Variants in VPS50 observed in about 807,000 individuals in gnomAD.
VPS50 encodes syndetin.
A neutral mutation model predicts 139.7 loss-of-function variants in VPS50; 70 were observed. The observed-to-expected ratio is 0.50, with a 90% CI of 0.41 to 0.61. The LOEUF (loss-of-function observed/expected upper bound fraction) is 0.61. VPS50 is among the 20% of genes least tolerant of loss of function. The probability of loss-of-function intolerance (pLI) is 0.00; values close to 1 mark genes in which losing one functional copy is unlikely to be tolerated. For missense variants in VPS50, 921 were observed against 1,133.7 expected, an observed-to-expected ratio of 0.81 and a Z score of 2.69; for synonymous variants, 365 against 376.7, an observed-to-expected ratio of 0.97 and a Z score of 0.36.
chr7:93,275,319 A>G (rs575104846), intron 11 of VPS50, among the ~76,000 whole-genome samples: 2 of 152,198 alleles, frequency 1.3e-5, no homozygotes, highest in Non-Finnish European at 2.9e-5. Context: ...ATCAAACAGC[A>G]TCGCATGCTA....
chr7:93,356,342 C>A (rs1450896059), intron 27 of VPS50, among the ~76,000 whole-genome samples: 1 of 152,124 alleles, frequency 6.6e-6, no homozygotes, highest in African/African-American at 2.4e-5. Context: ...AAAGCCAAGA[C>A]ATTAGCTATA....
At chr7:93,287,908 C>A (rs574710918) in intron 12 of VPS50, among the ~76,000 whole-genome samples, 35 of 152,170 alleles carry the variant, frequency 2.3e-4, no homozygotes, top group Non-Finnish European at 4.1e-4. Context: ...TAAAAATAAA[C>A]CAAGTGTATT....
intron 25 of VPS50, among the ~76,000 whole-genome samples, chr7:93,351,804 G>A (rs768539043): frequency 2.6e-5 from 4 of 152,116 alleles, no homozygotes; most frequent in Non-Finnish European, 5.9e-5. Context: ...CTTATAGGGT[G>A]CAAGAAAAAA....
At chr7:93,345,596 G>A (rs1227397088) in intron 23 of VPS50, among the ~76,000 whole-genome samples, 13 of 152,086 alleles carry the variant, frequency 8.5e-5, no homozygotes, top group Non-Finnish European at 1.6e-4. Flanking sequence ...CTGGCAAACC[G>A]AATCCAGCAG....
chr7:93,262,811 C>T (rs1473113454), intron 9 of VPS50, among the ~76,000 whole-genome samples: 1 of 152,148 alleles, frequency 6.6e-6, no homozygotes, highest in Non-Finnish European at 1.5e-5. Context: ...CCACCATTCA[C>T]CTGCCTAACA....
At chr7:93,302,162 G>C (rs1054438640) in intron 16 of VPS50, among the ~76,000 whole-genome samples, 2 of 152,086 alleles carry the variant, frequency 1.3e-5, no homozygotes, top group Non-Finnish European at 2.9e-5. Context: ...CTTACCTTAG[G>C]ATTGTGATCC....
intron 1 of VPS50, among the ~76,000 whole-genome samples, chr7:93,236,417 T>C (rs1000657042): frequency 6.6e-6 from 1 of 152,230 alleles, no homozygotes; most frequent in Non-Finnish European, 1.5e-5. Context: ...TTTGGATGGA[T>C]AAGACATAGT....
chr7:93,275,852 G>T (rs948859205), intron 11 of VPS50: 2 of 253,116 alleles, frequency 7.9e-6, no homozygotes, highest in African/African-American at 4.4e-5. Context: ...GAATGATGCA[G>T]AGGGTAATTA....
intron 26 of VPS50, among the ~76,000 whole-genome samples, chr7:93,354,515 A>G (rs368435009): frequency 5.9e-5 from 9 of 151,808 alleles, no homozygotes; most frequent in East Asian, 5.8e-4. Context: ...GCTGTTCTTG[A>G]TCTCCTGGCC....
At chr7:93,332,548 C>T (rs1183591951) in intron 21 of VPS50, among the ~76,000 whole-genome samples, 2 of 152,134 alleles carry the variant, frequency 1.3e-5, no homozygotes. Context: ...CTTTAGAAAA[C>T]AACGTGGAAG....
intron 21 of VPS50, among the ~76,000 whole-genome samples, chr7:93,330,778 A>AAAC (rs1562890741): frequency 6.6e-6 from 1 of 151,264 alleles, no homozygotes; most frequent in East Asian, 1.9e-4. Context: ...AAAAAAAAAA[A>AAAC]AAAACCCAAA....
At position 93,266,475 on chromosome 7, in the gene VPS50, C is replaced by T. The variant is rs1029993914; in HGVS notation, c.660-4745C>T. Among the ~76,000 whole-genome samples the T allele has an allele frequency of 2.0e-5, 3 of 152,184 alleles. No homozygotes were observed. In the South Asian group the frequency reaches 6.2e-4, roughly 31 times the overall value. Reference sequence around the variant, plus strand: ...GTTCAAAATCTTTATTTCTATGCAACCTTTCTAGGACTCATTCTTGTGAGT... The same window carrying T: ...GTTCAAAATCTTTATTTCTATGCAATCTTTCTAGGACTCATTCTTGTGAGT... On this transcript the variant is annotated intron_variant, in intron 9 of 27. Transcript: ENST00000305866.
At chr7:93,281,074 T>C (rs1156631482) in intron 12 of VPS50, among the ~76,000 whole-genome samples, 1 of 152,160 alleles carries the variant, frequency 6.6e-6, no homozygotes, top group African/African-American at 2.4e-5. Context: ...TGGTGTGGTG[T>C]TGACACAATT....
chr7:93,326,658 C>G (rs1003966632), intron 21 of VPS50, among the ~76,000 whole-genome samples: 3 of 151,808 alleles, frequency 2.0e-5, no homozygotes, highest in Non-Finnish European at 2.9e-5. Flanking sequence ...CAGAAAATAA[C>G]ACAATATTAG....
chr7:93,260,619 T>C (rs1377392976), intron 9 of VPS50, among the ~76,000 whole-genome samples: 1 of 150,750 alleles, frequency 6.6e-6, no homozygotes, highest in East Asian at 2.0e-4. Context: ...AGAAATGCTG[T>C]TTAAGTCTCT....
intron 4 of VPS50, among the ~76,000 whole-genome samples, chr7:93,255,586 A>G (rs992993627): frequency 1.3e-5 from 2 of 152,260 alleles, no homozygotes; most frequent in Non-Finnish European, 2.9e-5. Context: ...TTTAGGATTA[A>G]CATTGATATT....
At chr7:93,271,300 T>A in intron 10 of VPS50, 38 bp downstream of exon 10, 1 of 1,500,348 alleles carries the variant, frequency 6.7e-7, no homozygotes. Flanking sequence ...TGAGTTTTTC[T>A]TTTCAGAAGT....
At chr7:93,259,411 T>C in intron 8 of VPS50, 139 bp from the exon 9 acceptor site, 1 of 496,116 alleles carries the variant, frequency 2.0e-6, no homozygotes, top group Non-Finnish European at 3.6e-6. Context: ...GTCACTTATC[T>C]ATCATTGATA....
intron 2 of VPS50, among the ~76,000 whole-genome samples, chr7:93,245,078 T>C (rs765373510): frequency 6.6e-6 from 1 of 151,502 alleles, no homozygotes; most frequent in Non-Finnish European, 1.5e-5. Flanking sequence ...CAAGCAAAAA[T>C]AGATAATTGC....
Sources: gnomAD v4.1 joint callset for allele counts (sites outside exome capture counted in the v4.1 genomes callset) on GRCh38, gnomAD v4.1.1 for gene constraint, MANE v1.5 for transcripts, NCBI Gene and HGNC (gene_info 2026-07-23, HGNC 2026-07-21) for gene names.